TRAPPC9: variants seen among roughly 807,000 people sequenced by gnomAD.
TRAPPC9 encodes trafficking protein particle complex subunit 9.
Under a neutral mutation model 124.0 loss-of-function variants are expected in TRAPPC9, and 83 were observed. The ratio of observed to expected loss-of-function variants is 0.67; its 90% CI spans 0.56 to 0.80. The LOEUF (loss-of-function observed/expected upper bound fraction) is 0.80, where lower values mean the gene tolerates loss of function less well. TRAPPC9 is among the 30% of genes least tolerant of loss of function. The pLI, the probability that TRAPPC9 is intolerant of heterozygous loss-of-function variation, is 0.00. For synonymous variants in TRAPPC9, 638 were observed against 617.5 expected, an observed-to-expected ratio of 1.03 and a Z score of -0.49; for missense variants, 1,302 against 1,508.3, an observed-to-expected ratio of 0.86 and a Z score of 2.27.
intron 17 of TRAPPC9, among the ~76,000 whole-genome samples, chr8:140,148,136 G>A (rs1477663006): frequency 1.3e-5 from 2 of 152,216 alleles, no homozygotes; most frequent in Admixed American, 6.5e-5. Context: ...AGGACATGAG[G>A]CCCAGGGCTA....
chr8:140,027,116 AT>A (rs1397691032), intron 17 of TRAPPC9, among the ~76,000 whole-genome samples: 1 of 152,078 alleles, frequency 6.6e-6, no homozygotes, highest in Non-Finnish European at 1.5e-5. Flanking sequence ...TGTTTGATCT[AT>A]TTTTTCATTC....
intron 17 of TRAPPC9, chr8:140,100,489 T>G (rs1407528345): frequency 1.3e-5 from 2 of 152,208 alleles, no homozygotes; most frequent in Non-Finnish European, 2.9e-5. Context: ...CGCAACATGA[T>G]CCGCGTAGTA....
upstream of TRAPPC9, chr8:140,458,205 C>A (rs559292219): frequency 6.5e-7 from 1 of 1,550,102 alleles, no homozygotes; most frequent in East Asian, 2.4e-5. Context: ...AGCAAGAGAA[C>A]AGAGACTAGG....
intron 17 of TRAPPC9, among the ~76,000 whole-genome samples, chr8:140,034,627 G>A (rs1435129410): frequency 3.3e-5 from 5 of 152,232 alleles, no homozygotes; most frequent in Non-Finnish European, 7.3e-5. Flanking sequence ...CTGAATGACA[G>A]CATCTTCACA....
At chr8:140,312,755 CTTCTTTTT>C (rs2066332569) in intron 9 of TRAPPC9, among the ~76,000 whole-genome samples, 1 of 143,704 alleles carries the variant, frequency 7.0e-6, no homozygotes, top group Admixed American at 6.9e-5. Context: ...TCTTCTTCTT[CTTCTTTTT>C]TTTTTTTTTT....
At chr8:140,003,460 C>T (rs1838534552) in intron 18 of TRAPPC9, among the ~76,000 whole-genome samples, 1 of 151,866 alleles carries the variant, frequency 6.6e-6, no homozygotes. Flanking sequence ...AAATTAACTG[C>T]ATGTGGTGCC....
intron 21 of TRAPPC9, among the ~76,000 whole-genome samples, chr8:139,766,337 C>A (rs1280185580): frequency 6.6e-6 from 1 of 152,200 alleles, no homozygotes; most frequent in Non-Finnish European, 1.5e-5. Flanking sequence ...GTTGGCTCCA[C>A]ACCCCTGTGG....
chr8:140,166,867 C>A (rs1348515748), intron 17 of TRAPPC9, among the ~76,000 whole-genome samples: 1 of 152,218 alleles, frequency 6.6e-6, no homozygotes, highest in African/African-American at 2.4e-5. Context: ...CTAGGCCTGA[C>A]ATGTTGCCCC....
intron 21 of TRAPPC9, among the ~76,000 whole-genome samples, chr8:139,828,014 G>A (rs561562887): frequency 5.6e-4 from 85 of 152,266 alleles, no homozygotes; most frequent in Admixed American, 1.3e-3. Context: ...TAAGCCACAC[G>A]TGAGGAATCC....
intron 5 of TRAPPC9, among the ~76,000 whole-genome samples, chr8:140,421,835 A>G (rs1457889216): frequency 6.6e-6 from 1 of 152,118 alleles, no homozygotes; most frequent in African/African-American, 2.4e-5. Flanking sequence ...AAAGCCTTAA[A>G]TGACTTTGTT....
chr8:140,073,627 T>A (rs958073277), intron 17 of TRAPPC9, among the ~76,000 whole-genome samples: 1 of 152,232 alleles, frequency 6.6e-6, no homozygotes, highest in Admixed American at 6.5e-5. Context: ...AATGTATCCA[T>A]CCATCCAAAC....
At chr8:140,209,705 C>T (rs1192289296) in intron 17 of TRAPPC9, among the ~76,000 whole-genome samples, 1 of 152,174 alleles carries the variant, frequency 6.6e-6, no homozygotes, top group Non-Finnish European at 1.5e-5. Flanking sequence ...AACTTAACTC[C>T]TTACAATAGC....
At chr8:140,000,480 C>G (rs1323444737) in intron 18 of TRAPPC9, among the ~76,000 whole-genome samples, 4 of 152,104 alleles carry the variant, frequency 2.6e-5, no homozygotes, top group Non-Finnish European at 4.4e-5. Context: ...TGCAATCTAC[C>G]TATCTGACAA....
chr8:140,165,876 CT>C (rs1463295874), intron 17 of TRAPPC9, among the ~76,000 whole-genome samples: 2 of 152,152 alleles, frequency 1.3e-5, no homozygotes, highest in Non-Finnish European at 2.9e-5. Context: ...GTACCCACCC[CT>C]GATATGACCC....
chr8:139,798,797 C>T (rs867004866), intron 21 of TRAPPC9, among the ~76,000 whole-genome samples: 2 of 152,178 alleles, frequency 1.3e-5, no homozygotes, highest in Non-Finnish European at 2.9e-5. Context: ...TTACCACAAA[C>T]TTGGGGGCTT....
chr8:140,404,905 CATGCGTGTGTGTGT>C (rs2069432447), intron 6 of TRAPPC9, among the ~76,000 whole-genome samples: 1 of 58,706 alleles, frequency 1.7e-5, no homozygotes, highest in South Asian at 1.3e-3. Flanking sequence ...TGTGTGTGAG[CATGCGTGTGTGTGT>C]GTGTGTGTGT....
At chr8:140,392,124 A>C (rs924712779) in intron 7 of TRAPPC9, among the ~76,000 whole-genome samples, 23 of 152,240 alleles carry the variant, frequency 1.5e-4, no homozygotes, top group African/African-American at 5.5e-4. Context: ...TTTAGAACCC[A>C]AATGGTTTAA....
At chr8:140,132,155 A>G (rs1459315141) in intron 17 of TRAPPC9, among the ~76,000 whole-genome samples, 2 of 152,204 alleles carry the variant, frequency 1.3e-5, no homozygotes, top group African/African-American at 4.8e-5. Flanking sequence ...AAATAGGGGT[A>G]GTGACTGATG....
At chr8:139,745,627 A>C (rs1818835215) in intron 21 of TRAPPC9, among the ~76,000 whole-genome samples, 1 of 152,206 alleles carries the variant, frequency 6.6e-6, no homozygotes, top group South Asian at 2.1e-4. Context: ...CTGCTGAAGG[A>C]AACCAGTCCT....
Sources: gnomAD v4.1 joint callset for allele counts (sites outside exome capture counted in the v4.1 genomes callset) on GRCh38, gnomAD v4.1.1 for gene constraint, MANE v1.5 for transcripts, NCBI Gene and HGNC (gene_info 2026-07-23, HGNC 2026-07-21) for gene names.